Variants in PPFIA2 observed in about 807,000 individuals in gnomAD.
The protein encoded by PPFIA2 is liprin-alpha-2.
A neutral mutation model predicts 175.5 loss-of-function variants in PPFIA2; 46 were observed. The observed-to-expected ratio is 0.26, with a 90% CI of 0.21 to 0.34. The LOEUF (loss-of-function observed/expected upper bound fraction) is 0.34. Ranked by LOEUF, PPFIA2 falls within the 10% of genes least tolerant of loss-of-function variation. The pLI is 1.00. For synonymous variants in PPFIA2, 568 were observed against 511.4 expected (o/e 1.11, Z -1.49); for missense variants, 1,179 against 1,506.1 (o/e 0.78, Z 3.60).
At chr12:81,496,100 A>C (rs573771625) in intron 4 of PPFIA2, among the ~76,000 whole-genome samples, 1 of 152,280 alleles carries the variant, frequency 6.6e-6, no homozygotes, top group African/African-American at 2.4e-5. Context: ...AACTTAGAGC[A>C]ATGCACAATA....
intron 4 of PPFIA2, chr12:81,597,978 T>C: frequency 6.5e-7 from 1 of 1,535,116 alleles, no homozygotes; most frequent in Non-Finnish European, 8.7e-7. Context: ...CGGGTCCCAT[T>C]AGGAGGATGC....
At position 81,719,036 on chromosome 12, in the gene PPFIA2, C is replaced by G. The variant is rs149730021; in HGVS notation, c.249+34937G>C. ...GCAAAATATTTTATGTTTAAATTGACAAATAAAGAACAAAAAACTATTCTT... is the reference window on the plus strand; with the variant it reads ...GCAAAATATTTTATGTTTAAATTGAGAAATAAAGAACAAAAAACTATTCTT... On this transcript the variant is annotated intron_variant, in intron 3 of 32. Transcript: ENST00000549396. Among the ~76,000 whole-genome samples, 33 of 151,544 alleles carry G rather than the reference C, an allele frequency of 2.2e-4. No homozygotes were observed. In the East Asian group the frequency reaches 6.4e-3, roughly 30 times the overall value.
intron 4 of PPFIA2, among the ~76,000 whole-genome samples, chr12:81,574,431 A>G (rs542880903): frequency 6.6e-6 from 1 of 151,868 alleles, no homozygotes; most frequent in South Asian, 2.1e-4. Context: ...TTTTTAAAGA[A>G]AGAGCTTACA....
chr12:81,565,471 T>C (rs757885653), intron 4 of PPFIA2, among the ~76,000 whole-genome samples: 145 of 152,268 alleles, frequency 9.5e-4, no homozygotes, highest in South Asian at 8.3e-4. Context: ...TGTGAGTTAA[T>C]AATAAACTCC....
intron 4 of PPFIA2, among the ~76,000 whole-genome samples, chr12:81,478,230 G>A (rs1449332568): frequency 2.0e-5 from 3 of 152,094 alleles, no homozygotes; most frequent in Non-Finnish European, 2.9e-5. Context: ...ACGGTAGTTT[G>A]TATTTCTGTG....
intron 4 of PPFIA2, among the ~76,000 whole-genome samples, chr12:81,517,235 A>C: frequency 6.6e-6 from 1 of 151,586 alleles, no homozygotes; most frequent in East Asian, 2.0e-4. Flanking sequence ...GGTAGGGATG[A>C]TTAAATAGAC....
intron 3 of PPFIA2, among the ~76,000 whole-genome samples, chr12:81,743,207 A>C (rs2082545301): frequency 6.6e-6 from 1 of 151,692 alleles, no homozygotes; most frequent in Non-Finnish European, 1.5e-5. Context: ...TCACGAGGTC[A>C]GGAGATGGAG....
chr12:81,318,157 A>G (rs2052829192), intron 22 of PPFIA2, among the ~76,000 whole-genome samples: 1 of 151,634 alleles, frequency 6.6e-6, no homozygotes, highest in South Asian at 2.1e-4. Context: ...TATATACCAC[A>G]TATTCCTATT....
intron 11 of PPFIA2, chr12:81,369,563 A>C: frequency 1.5e-6 from 1 of 650,028 alleles, no homozygotes; most frequent in Non-Finnish European, 2.0e-6. Flanking sequence ...TTTATAAATG[A>C]AAAGAAAAAC....
At chr12:81,477,826 C>A (rs943258968) in intron 4 of PPFIA2, among the ~76,000 whole-genome samples, 1 of 151,498 alleles carries the variant, frequency 6.6e-6, no homozygotes, top group Admixed American at 6.6e-5. Context: ...TGAGGATTTT[C>A]GCATTGATGT....
chr12:81,447,136 AAAT>A (rs576032530), intron 5 of PPFIA2, among the ~76,000 whole-genome samples: 16 of 151,936 alleles, frequency 1.1e-4, no homozygotes, highest in Admixed American at 9.2e-4. Flanking sequence ...GTCTCTACTA[AAAT>A]AATAATAATA....
At chr12:81,625,178 T>G (rs559380832) in intron 4 of PPFIA2, among the ~76,000 whole-genome samples, 3 of 151,902 alleles carry the variant, frequency 2.0e-5, no homozygotes, top group Admixed American at 6.6e-5. Context: ...TATGACTACA[T>G]AAGTATGCTG....
At chr12:81,493,754 C>CTA (rs5799531) in intron 4 of PPFIA2, among the ~76,000 whole-genome samples, 11,295 of 100,968 alleles carry the variant, frequency 0.11, 710 homozygotes, top group Non-Finnish European at 0.14. Context: ...GTGTGTGTGT[C>CTA]TATATATATA....
At position 81,642,703 on chromosome 12, in the gene PPFIA2, T is replaced by TGTATCTATTATATACATAC. The variant is rs1173180908; in HGVS notation, c.303+34087_303+34088insGTATGTATATAATAGATAC. ...TGTATCTATTATATACATACATGTA[T>TGTATCTATTATATACATAC]ATGTATGTATGTATTATATACATAC... On this transcript the variant is annotated intron_variant, in intron 4 of 32. Coordinates refer to ENST00000549396, the MANE Select transcript of PPFIA2 (RefSeq NM_003625.5). Among the ~76,000 whole-genome samples, 14 of 13,932 alleles carry TGTATCTATTATATACATAC rather than the reference T, an allele frequency of 1.0e-3. 1 individual carries two copies. The highest frequency in any genetic ancestry group is 1.4e-3 in the East Asian group (1 of 740). The allele number at this position is 13,932 out of a possible 152,430, so 9.1% of individuals were successfully genotyped here.
chr12:81,316,089 T>C (rs2052286387), intron 22 of PPFIA2, among the ~76,000 whole-genome samples: 2 of 151,542 alleles, frequency 1.3e-5, no homozygotes, highest in Admixed American at 6.6e-5. Context: ...TGTGTGTGTG[T>C]CTACGAAAAT....
At chr12:81,286,349 A>G (rs958067416) in intron 24 of PPFIA2, among the ~76,000 whole-genome samples, 1 of 152,062 alleles carries the variant, frequency 6.6e-6, no homozygotes, top group African/African-American at 2.4e-5. Context: ...AGTAGTATAT[A>G]GTAATGTCCT....
chr12:81,612,651 G>C (rs955903776), intron 4 of PPFIA2, among the ~76,000 whole-genome samples: 1 of 152,016 alleles, frequency 6.6e-6, no homozygotes, highest in Admixed American at 6.6e-5. Flanking sequence ...TGAACAAAAA[G>C]GCATGTCAAA....
intron 4 of PPFIA2, among the ~76,000 whole-genome samples, chr12:81,547,237 T>C (rs991739604): frequency 6.6e-6 from 1 of 152,188 alleles, no homozygotes; most frequent in Non-Finnish European, 1.5e-5. Flanking sequence ...AAAACTCCTG[T>C]TGGTTAATTA....
At chr12:81,686,785 C>T (rs1446932510) in intron 3 of PPFIA2, among the ~76,000 whole-genome samples, 2 of 152,076 alleles carry the variant, frequency 1.3e-5, no homozygotes, top group African/African-American at 2.4e-5. Context: ...TCTAGTTTTC[C>T]TTGTAAATAT....
Sources: gnomAD v4.1 joint callset for allele counts (sites outside exome capture counted in the v4.1 genomes callset) on GRCh38, gnomAD v4.1.1 for gene constraint, MANE v1.5 for transcripts, NCBI Gene and HGNC (gene_info 2026-07-23, HGNC 2026-07-21) for gene names.